The following CDH8 variants were observed in gnomAD, a reference collection of about 807,000 sequenced individuals.
CDH8 encodes cadherin 8.
Under a neutral mutation model 68.1 loss-of-function variants are expected in CDH8, and 17 were observed. The observed-to-expected ratio is 0.25, with a 90% CI of 0.17 to 0.37. The LOEUF (loss-of-function observed/expected upper bound fraction) is 0.37. Ranked by LOEUF, CDH8 falls within the 10% of genes least tolerant of loss-of-function variation. The pLI is 1.00. For missense variants in CDH8, 763 were observed against 999.3 expected, an observed-to-expected ratio of 0.76 and a Z score of 3.19; for synonymous variants, 372 against 365.1, an observed-to-expected ratio of 1.02 and a Z score of -0.21.
intron 10 of CDH8, among the ~76,000 whole-genome samples, chr16:61,659,319 C>G (rs1335909035): frequency 6.6e-6 from 1 of 152,098 alleles, no homozygotes; most frequent in Non-Finnish European, 1.5e-5. Flanking sequence ...GAACAAGAAC[C>G]CACTCCCATC....
intron 8 of CDH8, among the ~76,000 whole-genome samples, chr16:61,770,314 T>C (rs905456223): frequency 6.6e-6 from 1 of 151,912 alleles, no homozygotes; most frequent in Admixed American, 6.6e-5. Context: ...ATTGAACCAA[T>C]AGAGAGCATG....
chr16:61,999,922 G>A (rs936732624), intron 2 of CDH8, among the ~76,000 whole-genome samples: 17 of 151,870 alleles, frequency 1.1e-4, no homozygotes, highest in African/African-American at 3.1e-4. Context: ...TTTAAGCCCC[G>A]CATGCATTAG....
intron 2 of CDH8, among the ~76,000 whole-genome samples, chr16:62,003,759 A>G (rs1288935010): frequency 6.6e-6 from 1 of 152,190 alleles, no homozygotes; most frequent in Middle Eastern, 3.2e-3. Flanking sequence ...TGCATGCGAC[A>G]TTTTGAAATA....
At chr16:61,961,559 T>G (rs943226282) in intron 2 of CDH8, among the ~76,000 whole-genome samples, 1 of 152,256 alleles carries the variant, frequency 6.6e-6, no homozygotes, top group Admixed American at 6.5e-5. Flanking sequence ...CTTCATAGGC[T>G]TTCATTCCAG....
chr16:61,656,126 C>T (rs960301561), intron 10 of CDH8, among the ~76,000 whole-genome samples: 9 of 152,134 alleles, frequency 5.9e-5, no homozygotes, highest in Non-Finnish European at 1.2e-4. Flanking sequence ...CCCGCCTAGG[C>T]CTCCCAAAGT....
At chr16:61,871,346 AT>A (rs530929490) in intron 3 of CDH8, among the ~76,000 whole-genome samples, 2,147 of 140,306 alleles carry the variant, frequency 0.015, 16 homozygotes, top group East Asian at 0.025. Flanking sequence ...ACCATGGCAG[AT>A]TTTTTTTTTT....
intron 7 of CDH8, among the ~76,000 whole-genome samples, chr16:61,809,419 C>T (rs896668427): frequency 2.0e-5 from 3 of 151,980 alleles, no homozygotes; most frequent in African/African-American, 7.3e-5. Flanking sequence ...ACATCACATA[C>T]CTGTGCCCAT....
intron 8 of CDH8, among the ~76,000 whole-genome samples, chr16:61,747,765 T>A (rs553981752): frequency 6.6e-6 from 1 of 151,958 alleles, no homozygotes; most frequent in South Asian, 2.1e-4. Flanking sequence ...AAAAAAATTG[T>A]TGGCACACTA....
chr16:61,901,513 T>G, intron 2 of CDH8, 40 bp from the exon 3 acceptor site: 1 of 1,484,408 alleles, frequency 6.7e-7, no homozygotes, highest in Non-Finnish European at 9.2e-7. Context: ...TGGAGCAATC[T>G]GAAAAGTTAT....
At chr16:61,695,377 A>C (rs1478407707) in intron 10 of CDH8, among the ~76,000 whole-genome samples, 2 of 152,158 alleles carry the variant, frequency 1.3e-5, no homozygotes, top group African/African-American at 4.8e-5. Context: ...TGTCTTGAAG[A>C]TTGGGTAAAT....
At chr16:61,859,359 A>G (rs928887822) in intron 3 of CDH8, among the ~76,000 whole-genome samples, 1 of 152,204 alleles carries the variant, frequency 6.6e-6, no homozygotes, top group African/African-American at 2.4e-5. Flanking sequence ...AATACTCAGA[A>G]AGAGGGATGA....
chr16:61,895,588 C>G (rs77416909), intron 3 of CDH8, among the ~76,000 whole-genome samples: 3,110 of 152,214 alleles, frequency 0.02, 100 homozygotes, highest in African/African-American at 0.071. Context: ...TCTGTGCACA[C>G]AACAATGCAA....
intron 4 of CDH8, 23 bp from the exon 5 acceptor site, chr16:61,825,202 G>C (rs1462939126): frequency 8.8e-6 from 14 of 1,590,912 alleles, no homozygotes; most frequent in Middle Eastern, 3.4e-4. Context: ...ATGGAAGAAT[G>C]ACTTTCAGTC....
At chr16:61,916,455 C>A (rs897888577) in intron 2 of CDH8, among the ~76,000 whole-genome samples, 1 of 152,044 alleles carries the variant, frequency 6.6e-6, no homozygotes, top group Non-Finnish European at 1.5e-5. Context: ...GCGGAGGTTG[C>A]AGTGAACCGA....
rs542088301 is a variant in CDH8, at chr16:62,035,322, T to C, written c.-200+758A>G. Among the ~76,000 whole-genome samples, 56 of 152,302 alleles carry C rather than the reference T, an allele frequency of 3.7e-4. No homozygotes were observed. In the East Asian group the frequency reaches 0.011, roughly 30 times the overall value. ...GCTCAGCTGTCCCTAGGAGAGCGGC[T>C]ACGGAGTCCCCGGCTTAAGGGGGCC... On this transcript the variant is annotated intron_variant, in intron 1 of 11. Transcript: ENST00000577390.
intron 7 of CDH8, among the ~76,000 whole-genome samples, chr16:61,790,509 A>G (rs1961353246): frequency 6.6e-6 from 1 of 152,014 alleles, no homozygotes; most frequent in Non-Finnish European, 1.5e-5. Flanking sequence ...AGACTGAAGA[A>G]GGCCTTCATG....
intron 2 of CDH8, among the ~76,000 whole-genome samples, chr16:61,938,165 A>C (rs545606866): frequency 6.6e-6 from 1 of 152,142 alleles, no homozygotes; most frequent in Non-Finnish European, 1.5e-5. Context: ...TTGAGTGTGT[A>C]TCTCACTGAT....
intron 8 of CDH8, among the ~76,000 whole-genome samples, chr16:61,747,895 A>G (rs1350365072): frequency 2.0e-5 from 3 of 152,090 alleles, no homozygotes; most frequent in Non-Finnish European, 2.9e-5. Flanking sequence ...TCTCCTTGAC[A>G]TCGCCGGGGC....
chr16:61,865,920 G>A (rs551612631), intron 3 of CDH8, among the ~76,000 whole-genome samples: 1 of 152,100 alleles, frequency 6.6e-6, no homozygotes, highest in East Asian at 1.9e-4. Flanking sequence ...GCCTTCTACG[G>A]TATGTGACAA....
Sources: gnomAD v4.1 joint callset for allele counts (sites outside exome capture counted in the v4.1 genomes callset) on GRCh38, gnomAD v4.1.1 for gene constraint, MANE v1.5 for transcripts, NCBI Gene and HGNC (gene_info 2026-07-23, HGNC 2026-07-21) for gene names.